Variants in MTMR1 observed in about 807,000 individuals in gnomAD.
MTMR1 encodes myotubularin related protein 1.
Under a neutral mutation model 51.6 loss-of-function variants are expected in MTMR1, and 17 were observed. That is an observed-to-expected ratio of 0.33 (90% confidence interval 0.23 to 0.49). The LOEUF is 0.49. Ranked by LOEUF, MTMR1 falls within the 20% of genes least tolerant of loss-of-function variation. The probability of loss-of-function intolerance (pLI) is 0.99; values close to 1 mark genes in which losing one functional copy is unlikely to be tolerated. For missense variants in MTMR1, 386 were observed against 526.9 expected (o/e 0.73, Z 2.62); for synonymous variants, 201 against 205.6 (o/e 0.98, Z 0.19).
chrX:150,714,251 A>G (rs2041416652), intron 3 of MTMR1, among the ~76,000 whole-genome samples: 1 of 112,165 alleles, frequency 8.9e-6, no homozygotes, highest in Non-Finnish European at 1.9e-5. Flanking sequence ...ACACAAACAC[A>G]GAATAGATAC....
intron 12 of MTMR1, among the ~76,000 whole-genome samples, chrX:150,743,829 A>T (rs1422104671): frequency 8.9e-6 from 1 of 112,828 alleles, no homozygotes; most frequent in East Asian, 2.8e-4. Flanking sequence ...GACTGCCTTA[A>T]GCAAGGACCC....
chrX:150,727,171 A>T, intron 4 of MTMR1, 44 bp from the exon 5 acceptor site: 1 of 879,507 alleles, frequency 1.1e-6, no homozygotes, highest in South Asian at 2.3e-5. Flanking sequence ...TTATGGAAGC[A>T]CAAGTCTATG....
In MTMR1 at chrX:150,759,401, C is replaced by T. The variant is rs112549851; in HGVS notation, c.1858-3164C>T. On this transcript the variant is annotated intron_variant, in intron 15 of 15. Transcript: ENST00000445323. ...TGATATTCTTGGTGACTCAAAGGCC[C>T]GGGTGGTTGGTGGAGTGTCATGAAC... Among the ~76,000 whole-genome samples, 757 of 109,551 alleles carry T rather than the reference C, an allele frequency of 6.9e-3. 6 individuals are homozygous for T. Among genetic ancestry groups the T allele is most frequent in the African/African-American group, 0.023 (702 of 30,557 alleles).
At chrX:150,745,246 T>A (rs782779184) in intron 13 of MTMR1, among the ~76,000 whole-genome samples, 12 of 112,137 alleles carry the variant, frequency 1.1e-4, no homozygotes, top group Non-Finnish European at 2.3e-4. Context: ...CAGTGCCTGC[T>A]GCGCAACCTG....
At chrX:150,729,953 A>G (rs2042061642) in intron 6 of MTMR1, among the ~76,000 whole-genome samples, 156 bp from the exon 7 acceptor site, 1 of 111,516 alleles carries the variant, frequency 9.0e-6, no homozygotes, top group African/African-American at 3.3e-5. Context: ...AGGGAGGCGG[A>G]GGTTGCAATG....
chrX:150,712,983 C>T, intron 3 of MTMR1: 1 of 913,390 alleles, frequency 1.1e-6, no homozygotes, highest in African/African-American at 2.1e-5. Flanking sequence ...AATGTGCATG[C>T]ATTTAACAGA....
intron 14 of MTMR1, chrX:150,751,184 T>G (rs1320892154): frequency 2.5e-5 from 21 of 844,304 alleles, no homozygotes; most frequent in Non-Finnish European, 2.8e-5. Context: ...GTTGGCCAGA[T>G]CATACTTGAA....
chrX:150,740,604 C>T (rs782314868), intron 12 of MTMR1, among the ~76,000 whole-genome samples: 32 of 112,004 alleles, frequency 2.9e-4, no homozygotes, highest in Non-Finnish European at 5.1e-4. Context: ...GTAACTCAGG[C>T]CTTATCAACC....
At chrX:150,702,496 T>C (rs2148556047) in intron 2 of MTMR1, among the ~76,000 whole-genome samples, 2 of 112,293 alleles carry the variant, frequency 1.8e-5, no homozygotes, top group East Asian at 5.5e-4. Context: ...TATTGGAGAA[T>C]AATTATTTTA....
At position 150,764,955 on chromosome X, in the gene MTMR1, A is replaced by C. The variant is rs1557418420; in HGVS notation, c.*2226A>C. ...CTGGTCTTTTTTAAGTAAGTAAGTA[A>C]GTATCTTAGTAGATTTTTCCTTTGA... On this transcript the variant is annotated 3_prime_UTR_variant, in exon 16 of 16. Transcript: ENST00000445323. The C allele has an allele frequency of 2.7e-5, 3 of 112,456 alleles. No homozygotes were observed. Among genetic ancestry groups the C allele is most frequent in the Non-Finnish European group, 3.8e-5 (2 of 53,327 alleles). The allele number at this position is 112,456 out of a possible 1,213,427, so 9.3% of individuals were successfully genotyped here.
intron 10 of MTMR1, 96 bp from the exon 11 acceptor site, chrX:150,736,499 G>A (rs955247011): frequency 1.3e-4 from 106 of 841,170 alleles, no homozygotes; most frequent in Non-Finnish European, 1.6e-4. Flanking sequence ...TTGCAGATGA[G>A]TTTGTTGCTT....
intron 5 of MTMR1, among the ~76,000 whole-genome samples, 159 bp downstream of exon 5, chrX:150,727,468 A>C (rs1462641809): frequency 8.9e-6 from 1 of 112,602 alleles, no homozygotes; most frequent in African/African-American, 3.2e-5. Context: ...TATCTTGAAA[A>C]CAAAGGCTGT....
At chrX:150,707,741 A>C (rs1373326481) in intron 2 of MTMR1, among the ~76,000 whole-genome samples, 1 of 112,476 alleles carries the variant, frequency 8.9e-6, no homozygotes, top group Non-Finnish European at 1.9e-5. Context: ...AAGAGAAATT[A>C]AATCTTATGT....
At chrX:150,758,196 C>G (rs1234506379) in intron 15 of MTMR1, among the ~76,000 whole-genome samples, 3 of 111,491 alleles carry the variant, frequency 2.7e-5, no homozygotes, top group African/African-American at 9.8e-5. Flanking sequence ...GCCCCTCAGC[C>G]TACAGAGGAC....
chrX:150,703,951 G>A (rs1557416004), intron 2 of MTMR1, among the ~76,000 whole-genome samples: 1 of 111,463 alleles, frequency 9.0e-6, no homozygotes, highest in African/African-American at 3.3e-5. Context: ...ATCCTATCAT[G>A]GTTTTTGTGG....
intron 3 of MTMR1, among the ~76,000 whole-genome samples, chrX:150,713,827 A>C (rs868952855): frequency 9.0e-6 from 1 of 111,701 alleles, no homozygotes; most frequent in South Asian, 3.7e-4. Context: ...TAGAGTAATT[A>C]GAAATATTTA....
chrX:150,732,398 C>T, intron 9 of MTMR1, 144 bp from the exon 10 acceptor site: 1 of 470,861 alleles, frequency 2.1e-6, no homozygotes, highest in Non-Finnish European at 3.5e-6. Flanking sequence ...CACTACAATG[C>T]TGTGATTGGC....
Position 150,763,542 on chromosome X carries a change from C to T in MTMR1, c.*813C>T, listed in dbSNP as rs1408453682. 1 of 113,020 alleles carries T rather than the reference C, an allele frequency of 8.8e-6. No individual in the cohort carries two copies. The highest frequency in any genetic ancestry group is 1.9e-5 in the Non-Finnish European group (1 of 53,369). 9.3% of individuals were successfully genotyped at this position (113,020 alleles called of 1,213,427 possible). ...TGTGCACAGGTGCTGGCCTCTGGCT[C>T]CTTCAAGGAGCACTGCCTGTCACTC... is the stretch of plus-strand genomic sequence containing the variant. On this transcript the variant is annotated 3_prime_UTR_variant, in exon 16 of 16. Coordinates refer to ENST00000445323, the MANE Select transcript of MTMR1 (RefSeq NM_001306144.3).
intron 14 of MTMR1, among the ~76,000 whole-genome samples, chrX:150,752,624 G>GTTT (rs782406235): frequency 1.0e-3 from 58 of 57,422 alleles, no homozygotes; most frequent in Non-Finnish European, 1.5e-3. Flanking sequence ...GCTTTATCTT[G>GTTT]TTTTTTTTTT....
Sources: gnomAD v4.1 joint callset for allele counts (sites outside exome capture counted in the v4.1 genomes callset) on GRCh38, gnomAD v4.1.1 for gene constraint, MANE v1.5 for transcripts, NCBI Gene and HGNC (gene_info 2026-07-23, HGNC 2026-07-21) for gene names.